Variants in UBN2 observed in about 807,000 individuals in gnomAD.
UBN2 encodes ubinuclein 2, also known as ubinuclein-2.
UBN2 carries 35 observed loss-of-function variants against 120.2 expected under a neutral mutation model. The ratio of observed to expected loss-of-function variants is 0.29; its 90% CI spans 0.22 to 0.39. The LOEUF (loss-of-function observed/expected upper bound fraction) is 0.39. Among genes scored for constraint, UBN2 ranks in the 10% least tolerant of loss-of-function variants. UBN2 has a pLI of 1.00. For missense variants in UBN2, 1,693 were observed against 1,663.2 expected, an observed-to-expected ratio of 1.02 and a Z score of -0.31; for synonymous variants, 661 against 648.7, an observed-to-expected ratio of 1.02 and a Z score of -0.29.
intron 2 of UBN2, among the ~76,000 whole-genome samples, chr7:139,242,129 T>C (rs1796336097): frequency 6.6e-6 from 1 of 152,228 alleles, no homozygotes; most frequent in South Asian, 2.1e-4. Flanking sequence ...CAGTAAATAC[T>C]ACTCGGCTAA....
At position 139,265,255 on chromosome 7, in the gene UBN2, G is replaced by A. The variant is rs917854111; in HGVS notation, c.1396-1078G>A. ...CCACACCTGTAATCCCAGCACTTTG[G>A]GAGGCTGAGGCAGGAGATCAAGACC... On this transcript the variant is annotated intron_variant, in intron 6 of 17. Transcript: ENST00000473989. Among the ~76,000 whole-genome samples the A allele has an allele frequency of 2.6e-5, 4 of 152,044 alleles. No homozygotes were observed. In the East Asian group the frequency reaches 7.7e-4, roughly 29 times the overall value.
chr7:139,266,226 CAAAAAA>C (rs377760158), intron 6 of UBN2, 101 bp from the exon 7 acceptor site: 124 of 345,218 alleles, frequency 3.6e-4, no homozygotes, highest in South Asian at 5.4e-4. Context: ...GGCCCTATCT[CAAAAAA>C]AAAAAAAAAA....
At chr7:139,327,604 C>A in the UBN2 span, among the ~76,000 whole-genome samples, 1 of 152,144 alleles carries the variant, frequency 6.6e-6, no homozygotes, top group African/African-American at 2.4e-5. Context: ...AATATTAATG[C>A]ACTCTGCCCT....
the UBN2 span, among the ~76,000 whole-genome samples, chr7:139,319,843 G>A: frequency 2.9e-4 from 44 of 151,818 alleles, no homozygotes; most frequent in African/African-American, 9.7e-4. Context: ...TTGGGAGGCC[G>A]AGGTGGGCGT....
chr7:139,325,563 C>T, the UBN2 span, among the ~76,000 whole-genome samples: 1 of 152,116 alleles, frequency 6.6e-6, no homozygotes, highest in South Asian at 2.1e-4. Context: ...GCCACCATGC[C>T]CGGCCGAAAT....
the UBN2 span, among the ~76,000 whole-genome samples, chr7:139,323,357 G>T: frequency 6.6e-6 from 1 of 151,992 alleles, no homozygotes; most frequent in African/African-American, 2.4e-5. Flanking sequence ...TTTTACAAAA[G>T]ACTCAAGCAT....
chr7:139,294,418 A>G (rs947330839), intron 17 of UBN2, among the ~76,000 whole-genome samples: 9 of 152,240 alleles, frequency 5.9e-5, no homozygotes, highest in African/African-American at 2.2e-4. Flanking sequence ...GAGCTAAGCA[A>G]CTTGCCCAAG....
chr7:139,279,318 G>A lies in UBN2; in HGVS notation c.2025G>A (p.Pro675=). 4 of 1,607,602 alleles carry A rather than the reference G, an allele frequency of 2.5e-6. No individual in the cohort carries two copies. Among genetic ancestry groups the A allele is most frequent in the African/African-American group, 1.3e-5 (1 of 74,584 alleles). Residue 675 remains proline (P), a splice_region_variant and synonymous_variant, in exon 13 of 18, where the codon CCG becomes CCA. Transcript: ENST00000473989. The stretch of plus-strand genomic sequence containing the variant: ...GCCTTTTAAAATCTTTTTATCTTAG[G>A]GCAAAGAAAAAGGTGATTCCTGCAC... The part of the protein sequence containing the change: ...RSVHNHLTSA[P]AKKKVIPAPK...
downstream of UBN2, among the ~76,000 whole-genome samples, chr7:139,309,880 A>G (rs1211111642): frequency 6.6e-6 from 1 of 152,188 alleles, no homozygotes; most frequent in African/African-American, 2.4e-5. Flanking sequence ...ATGTGTGTAC[A>G]TACATGCATT....
rs560280873 is a variant in UBN2 at position 139,232,844 on chromosome 7, A to G, written c.468+892A>G. Reference sequence around the variant, plus strand: ...ATGCTTTTGATGTAAGAGGTGAACAATGGAGAAAGGATAGGGGTTATGTTC... The same window carrying G: ...ATGCTTTTGATGTAAGAGGTGAACAGTGGAGAAAGGATAGGGGTTATGTTC... On this transcript the variant is annotated intron_variant, in intron 1 of 17. Transcript: ENST00000473989. 2.9e-4 allele frequency among the ~76,000 whole-genome samples: 44 copies of G among 152,340 alleles called. 2 individuals carry two copies. In the South Asian group the frequency reaches 9.1e-3, roughly 32 times the overall value.
At chr7:139,282,206 TTTATC>T in intron 14 of UBN2, 151 bp downstream of exon 14, 1 of 568,710 alleles carries the variant, frequency 1.8e-6, no homozygotes, top group Admixed American at 3.3e-5. Context: ...GTCAAATACT[TTTATC>T]TTTAAAAATA....
At chr7:139,314,542 A>G in the UBN2 span, among the ~76,000 whole-genome samples, 1 of 151,886 alleles carries the variant, frequency 6.6e-6, no homozygotes, top group Admixed American at 6.6e-5. Context: ...CTGGACTGCT[A>G]TGGTCTGATC....
Position 139,231,997 on chromosome 7 carries a change from G to A in UBN2, c.468+45G>A, listed in dbSNP as rs887508545. The A allele has an allele frequency of 1.5e-5, 24 of 1,554,382 alleles. No individual in the cohort carries two copies. In the Middle Eastern group the frequency reaches 5.4e-4, roughly 35 times the overall value. ...CCTGCCCCAGACCCCGGGAGCCTCA[G>A]GACCCGCCGCCTTCCCCAGCTGGTT... is the stretch of plus-strand genomic sequence containing the variant. On this transcript the variant is annotated intron_variant, in intron 1 of 17. Transcript: ENST00000473989.
intron 5 of UBN2, 41 bp from the exon 6 acceptor site, chr7:139,261,211 A>G (rs200002848): frequency 1.3e-6 from 2 of 1,534,696 alleles, no homozygotes. Flanking sequence ...TTTAACGTTT[A>G]AAATCACACA....
the UBN2 span, among the ~76,000 whole-genome samples, chr7:139,316,101 AAAAAAAG>A: frequency 2.1e-4 from 30 of 139,874 alleles, 2 homozygotes; most frequent in East Asian, 3.9e-4. Flanking sequence ...AAAAAAAAAA[AAAAAAAG>A]GGGTTCCAGT....
chr7:139,254,380 A>T (rs754606944), intron 3 of UBN2, among the ~76,000 whole-genome samples: 1 of 152,218 alleles, frequency 6.6e-6, no homozygotes, highest in Non-Finnish European at 1.5e-5. Context: ...ACATATTGCC[A>T]GTGCCCTTTG....
At position 139,274,450 on chromosome 7, in the gene UBN2, C is replaced by T. The variant is rs116769458; in HGVS notation, c.1973+376C>T. On this transcript the variant is annotated intron_variant, in intron 11 of 17. Transcript: ENST00000473989. ...TAGAGCATAGGAAAAGAGACACAGC[C>T]TTAGATTCTATTCAAAATAGTCAGT... Among the ~76,000 whole-genome samples the T allele has an allele frequency of 4.5e-3, 691 of 152,184 alleles. 4 individuals carry two copies. Among genetic ancestry groups the T allele is most frequent in the African/African-American group, 0.016 (666 of 41,530 alleles).
the UBN2 span, among the ~76,000 whole-genome samples, chr7:139,315,810 C>T: frequency 1.3e-5 from 2 of 152,112 alleles, no homozygotes; most frequent in African/African-American, 4.8e-5. Flanking sequence ...GGCATGGTGG[C>T]TCACACCTGT....
At chr7:139,280,466 T>C (rs1253197581) in intron 13 of UBN2, among the ~76,000 whole-genome samples, 1 of 152,222 alleles carries the variant, frequency 6.6e-6, no homozygotes. Flanking sequence ...CTTTAGGTTT[T>C]ACACTTTGCT....
Sources: allele counts gnomAD v4.1 joint callset (sites outside exome capture counted in the v4.1 genomes callset), GRCh38; gene constraint gnomAD v4.1.1; transcripts MANE v1.5; gene names NCBI Gene and HGNC (gene_info 2026-07-23, HGNC 2026-07-21).